The following STK17B variants were observed in gnomAD, a reference collection of about 807,000 sequenced individuals.
STK17B encodes serine/threonine kinase 17b.
In STK17B, 21 loss-of-function variants were observed where a neutral mutation model predicts 42.0. The ratio of observed to expected loss-of-function variants is 0.50; its 90% confidence interval spans 0.35 to 0.72. The LOEUF (loss-of-function observed/expected upper bound fraction) is 0.72, where lower values mean the gene tolerates loss of function less well. Ranked by LOEUF, STK17B falls within the 30% of genes least tolerant of loss-of-function variation. The pLI, the probability that STK17B is intolerant of heterozygous loss-of-function variation, is 0.00. For missense variants in STK17B, 349 were observed against 446.0 expected (o/e 0.78, Z 1.96); for synonymous variants, 143 against 148.4 (o/e 0.96, Z 0.26).
upstream of STK17B, among the ~76,000 whole-genome samples, chr2:196,173,200 G>C (rs557004795): frequency 6.6e-6 from 1 of 152,274 alleles, no homozygotes; most frequent in South Asian, 2.1e-4. Flanking sequence ...TAACCAGCCA[G>C]CCTCCTAGGG....
chr2:196,171,815 C>G (rs1699950639), upstream of STK17B, among the ~76,000 whole-genome samples: 1 of 144,688 alleles, frequency 6.9e-6, no homozygotes, highest in South Asian at 2.2e-4. Flanking sequence ...CGCACTCGGG[C>G]TGCCGCGAGG....
upstream of STK17B, among the ~76,000 whole-genome samples, chr2:196,175,037 A>G (rs1699985392): frequency 6.6e-6 from 1 of 152,262 alleles, no homozygotes; most frequent in African/African-American, 2.4e-5. Context: ...GCACATTGGC[A>G]AATGTTCTAC....
rs1221956193 is a variant in STK17B at position 196,134,976 on chromosome 2, AAG to A, written c.*2469_*2470del. On this transcript the variant is annotated 3_prime_UTR_variant, in exon 8 of 8. Transcript: ENST00000263955. ...TTATTTAAATTCACACCTTTGTAAA[AAG>A]AGTGGATTTTTATATTCTTTGTGCA... 1.3e-5 allele frequency: 2 copies of A among 152,204 alleles called. No individual in the cohort carries two copies. The highest frequency in any genetic ancestry group is 2.9e-5 in the Non-Finnish European group (2 of 68,032). 9.4% of individuals were successfully genotyped at this position (152,204 alleles called of 1,614,324 possible). A position where few individuals can be genotyped will look rare whatever the true frequency, so the allele number is the denominator to read the frequency against.
Position 196,139,799 on chromosome 2 carries a change from C to G in STK17B, c.657G>C (p.Trp219Cys). Residue 219 changes from tryptophan to cysteine, a missense_variant and splice_region_variant, in exon 7 of 8, where the codon TGG becomes TGC. Physicochemically the swap from Trp to Cys is radical, Grantham distance 215. Transcript: ENST00000263955. ...ACATATATGCTATTATACCAATATT[C>G]CTGAAAAACAAGGGAGGGGAACTTA... ...YDPITTATDM[W>C]NIGIIAYMLL... 7.4e-7 allele frequency: 1 copy of G among 1,359,006 alleles called. No individual in the cohort carries two copies. The highest frequency in any genetic ancestry group is 9.6e-7 in the Non-Finnish European group (1 of 1,045,192). 84.2% of individuals were successfully genotyped at this position (1,359,006 alleles called of 1,614,324 possible). A position where few individuals can be genotyped will look rare whatever the true frequency, so the allele number is the denominator to read the frequency against.
At chr2:196,163,507 C>A in intron 1 of STK17B, 80 bp from the exon 2 acceptor site, 4 of 1,060,246 alleles carry the variant, frequency 3.8e-6, no homozygotes, top group South Asian at 2.4e-5. Flanking sequence ...CCAAATATAG[C>A]TATAAAATAC....
In STK17B at chr2:196,163,250, T is replaced by C. The variant is rs1230702149; in HGVS notation, c.122+12A>G. The C allele has an allele frequency of 3.7e-6, 6 of 1,608,784 alleles. No individual in the cohort carries two copies. Among genetic ancestry groups the C allele is most frequent in the South Asian group, 1.1e-5 (1 of 90,436 alleles). ...GAATTTAGATGGCATACACGTCATA[T>C]GGTTTTCTTACCTCCCTAGCTCTTT... is the stretch of plus-strand genomic sequence containing the variant. On this transcript the variant is annotated intron_variant, in intron 2 of 7. Coordinates refer to ENST00000263955, the MANE Select transcript of STK17B (RefSeq NM_004226.4).
In STK17B at chr2:196,163,419, T is replaced by G. The variant is rs1371463434; in HGVS notation, c.-36A>C. 6.5e-7 allele frequency: 1 copy of G among 1,541,894 alleles called. No individual in the cohort carries two copies. Among genetic ancestry groups the G allele is most frequent in the Admixed American group, 2.2e-5 (1 of 44,756 alleles). On this transcript the variant is annotated 5_prime_UTR_variant, in exon 2 of 8. Transcript: ENST00000263955. ...TCCCAGGTCTGCTTCTTTAGTCACT[T>G]ATTTTTACCTATGCAAAAAAAGAGA...
intron 3 of STK17B, among the ~76,000 whole-genome samples, chr2:196,152,888 C>T (rs532192374): frequency 2.6e-5 from 4 of 152,148 alleles, no homozygotes; most frequent in African/African-American, 9.6e-5. Context: ...CAAGATTTTG[C>T]AGTACAGGGG....
intron 2 of STK17B, among the ~76,000 whole-genome samples, chr2:196,161,917 G>A (rs1180469663): frequency 6.6e-6 from 1 of 152,088 alleles, no homozygotes; most frequent in Non-Finnish European, 1.5e-5. Flanking sequence ...AGGCCACCAA[G>A]AATGAAATTA....
At chr2:196,161,682 C>T (rs1699814640) in intron 2 of STK17B, among the ~76,000 whole-genome samples, 1 of 151,876 alleles carries the variant, frequency 6.6e-6, no homozygotes, top group Non-Finnish European at 1.5e-5. Flanking sequence ...CCATGCCTGG[C>T]TAATTTTGTA....
chr2:196,159,106 A>G lies in STK17B; in HGVS notation c.123-2455T>C, dbSNP rs559626647. On this transcript the variant is annotated intron_variant, in intron 2 of 7. Transcript: ENST00000263955. ...TAGATTTCGAAGCAAAAACTTGACTAAAACAGGAAGGAAATTTTGGGCTTT... is the reference window on the plus strand; with the variant it reads ...TAGATTTCGAAGCAAAAACTTGACTGAAACAGGAAGGAAATTTTGGGCTTT... 7.2e-5 allele frequency among the ~76,000 whole-genome samples: 11 copies of G among 152,252 alleles called. No individual in the cohort carries two copies. In the East Asian group the frequency reaches 1.7e-3, roughly 24 times the overall value.
In STK17B at chr2:196,141,583, C is replaced by T. The variant is rs192483856; in HGVS notation, c.608-286G>A. Among the ~76,000 whole-genome samples the T allele has an allele frequency of 6.9e-4, 105 of 152,206 alleles. No individual in the cohort carries two copies. The East Asian group carries it at 7.9e-3, about 12-fold the overall frequency. On this transcript the variant is annotated intron_variant, in intron 5 of 7. Coordinates refer to ENST00000263955, the MANE Select transcript of STK17B (RefSeq NM_004226.4). ...CTGAGGCAGGAGAATCCCTTGAACC[C>T]GGGAGGCATAGGTTGCAGTGAGCTG...
rs927158088 is a variant in STK17B at position 196,148,013 on chromosome 2, C to A, written c.336-1958G>T. 6.6e-5 allele frequency among the ~76,000 whole-genome samples: 10 copies of A among 152,256 alleles called. 1 individual carries two copies. Among genetic ancestry groups the A allele is most frequent in the Non-Finnish European group, 8.8e-5 (6 of 68,032 alleles). On this transcript the variant is annotated intron_variant, in intron 3 of 7. Coordinates refer to ENST00000263955, the MANE Select transcript of STK17B (RefSeq NM_004226.4). ...AAAGTGTTGGGATTACAGGTGTGAG[C>A]CATCGTGCCTGGCCGAGACATTAAT...
chr2:196,166,221 T>C (rs1426551780), intron 1 of STK17B: 3 of 152,232 alleles, frequency 2.0e-5, no homozygotes, highest in African/African-American at 4.8e-5. Context: ...GTTTTGCATA[T>C]AGTGGAGCAT....
At chr2:196,144,502 A>C (rs1357208320) in intron 4 of STK17B, among the ~76,000 whole-genome samples, 2 of 124,014 alleles carry the variant, frequency 1.6e-5, no homozygotes, top group African/African-American at 6.1e-5. Flanking sequence ...AAAAAAAAAA[A>C]AAAAAAAAAA....
In STK17B at chr2:196,164,900, C is replaced by T. The variant is rs1342253147; in HGVS notation, c.-44-1473G>A. On this transcript the variant is annotated intron_variant, in intron 1 of 7. Coordinates refer to ENST00000263955, the MANE Select transcript of STK17B (RefSeq NM_004226.4). ...TTAGTCTTTGGGGAAACAGCTCTAACTAGTTTTGGGGTACATCTCTAGGAG... is the reference window on the plus strand; with the variant it reads ...TTAGTCTTTGGGGAAACAGCTCTAATTAGTTTTGGGGTACATCTCTAGGAG... Among the ~76,000 whole-genome samples the T allele has an allele frequency of 2.0e-5, 3 of 152,186 alleles. No homozygotes were observed. In the East Asian group the frequency reaches 5.8e-4, roughly 29 times the overall value.
At chr2:196,141,476 T>G (rs1314743592) in intron 5 of STK17B, among the ~76,000 whole-genome samples, 179 bp from the exon 6 acceptor site, 1 of 152,082 alleles carries the variant, frequency 6.6e-6, no homozygotes, top group Non-Finnish European at 1.5e-5. Flanking sequence ...CTGGCTAACA[T>G]GGTGAAACGC....
intron 2 of STK17B, among the ~76,000 whole-genome samples, chr2:196,161,768 G>A (rs537847960): frequency 1.3e-5 from 2 of 151,608 alleles, no homozygotes; most frequent in South Asian, 4.2e-4. Context: ...CACCCTCCTC[G>A]GCCTCCCAAA....
rs575000490 is a variant in STK17B, at chr2:196,169,751, A to G, written c.-45+1582T>C. Among the ~76,000 whole-genome samples, 540 of 152,354 alleles carry G rather than the reference A, an allele frequency of 3.5e-3. 2 individuals are homozygous for G. Among genetic ancestry groups the G allele is most frequent in the Non-Finnish European group, 6.5e-3 (445 of 68,022 alleles). On this transcript the variant is annotated intron_variant, in intron 1 of 7. Transcript: ENST00000263955. Reference sequence around the variant, plus strand: ...TATCTTAACCAAATCGTAATTCACTAATCAATGATCCCAAGAGAAACCGCA... The same window carrying G: ...TATCTTAACCAAATCGTAATTCACTGATCAATGATCCCAAGAGAAACCGCA...
Sources: allele counts gnomAD v4.1 joint callset (sites outside exome capture counted in the v4.1 genomes callset), GRCh38; gene constraint gnomAD v4.1.1; transcripts MANE v1.5; gene names NCBI Gene and HGNC (gene_info 2026-07-23, HGNC 2026-07-21).